NRG1: variants seen among roughly 807,000 people sequenced by gnomAD.
NRG1 encodes neuregulin 1.
NRG1 carries 18 observed loss-of-function variants against 63.8 expected under a neutral mutation model. The ratio of observed to expected loss-of-function variants is 0.28; its 90% CI spans 0.19 to 0.42. NRG1 has a LOEUF of 0.42. Ranked by LOEUF, NRG1 falls within the 10% of genes least tolerant of loss-of-function variation. NRG1 has a pLI of 1.00. For missense variants in NRG1, 762 were observed against 814.7 expected, an observed-to-expected ratio of 0.94 and a Z score of 0.79; for synonymous variants, 302 against 301.3, an observed-to-expected ratio of 1.00 and a Z score of -0.02.
intron 1 of NRG1, among the ~76,000 whole-genome samples, chr8:32,530,301 G>T (rs916856894): frequency 4.6e-5 from 7 of 152,114 alleles, no homozygotes; most frequent in South Asian, 2.1e-4. Context: ...TAGAGACGGG[G>T]TTTCACCGTG....
chr8:32,110,368 A>G (rs78017355), intron 1 of NRG1, among the ~76,000 whole-genome samples: 3,621 of 152,280 alleles, frequency 0.024, 82 homozygotes, highest in South Asian at 0.059. Flanking sequence ...TGGAAGGAGA[A>G]CTGAGAAACC....
chr8:31,716,815 A>G (rs1812393069), intron 1 of NRG1, among the ~76,000 whole-genome samples: 2 of 152,246 alleles, frequency 1.3e-5, no homozygotes, highest in Non-Finnish European at 2.9e-5. Flanking sequence ...TAACGCTATC[A>G]GAGATAAAGA....
At chr8:32,619,792 A>T (rs879554149) in intron 5 of NRG1, among the ~76,000 whole-genome samples, 4 of 152,092 alleles carry the variant, frequency 2.6e-5, no homozygotes, top group Non-Finnish European at 5.9e-5. Context: ...TTGTTTTTTT[A>T]TAATTACAAT....
At chr8:31,871,182 G>A (rs930481467) in intron 1 of NRG1, among the ~76,000 whole-genome samples, 14 of 152,026 alleles carry the variant, frequency 9.2e-5, no homozygotes. Context: ...TCACCCTGAT[G>A]GCCAGGATGG....
rs144109065 is a variant in NRG1 at position 31,876,732 on chromosome 8, C to T, written c.37+237301C>T. On this transcript the variant is annotated intron_variant, in intron 1 of 10. Coordinates refer to the NRG1 transcript ENST00000519301. ...ATTTGACATTATCTACCCAATAATT[C>T]ACTTCTCTCTGCATTCTCTCACTCT... Among the ~76,000 whole-genome samples, 624 of 152,260 alleles carry T rather than the reference C, an allele frequency of 4.1e-3. 4 individuals carry two copies. Among genetic ancestry groups the T allele is most frequent in the Middle Eastern group, 0.041 (12 of 294 alleles).
At chr8:31,840,072 A>G (rs1170770491) in intron 1 of NRG1, among the ~76,000 whole-genome samples, 1 of 152,214 alleles carries the variant, frequency 6.6e-6, no homozygotes, top group Non-Finnish European at 1.5e-5. Flanking sequence ...AAATGAGCAC[A>G]TACTGTGTTC....
chr8:31,831,621 A>T (rs773405871), intron 1 of NRG1, among the ~76,000 whole-genome samples: 6 of 152,212 alleles, frequency 3.9e-5, no homozygotes, highest in Non-Finnish European at 2.9e-5. Flanking sequence ...AACTAGTGAC[A>T]GGGTCAATTT....
intron 1 of NRG1, among the ~76,000 whole-genome samples, chr8:32,390,750 C>A (rs1217604519): frequency 6.6e-6 from 1 of 152,138 alleles, no homozygotes. Flanking sequence ...GGCTGTTTAT[C>A]TGTCCAATGC....
chr8:32,002,029 ATT>A (rs962646810), intron 1 of NRG1, among the ~76,000 whole-genome samples: 2 of 151,108 alleles, frequency 1.3e-5, no homozygotes, highest in Admixed American at 6.6e-5. Flanking sequence ...AATTAATTGA[ATT>A]TTTTTTTCTT....
intron 1 of NRG1, among the ~76,000 whole-genome samples, chr8:32,123,365 T>A (rs1385098870): frequency 6.6e-6 from 1 of 151,428 alleles, no homozygotes; most frequent in Non-Finnish European, 1.5e-5. Flanking sequence ...TAAAGGGGAG[T>A]TCCCCTACAC....
At chr8:32,432,161 C>T (rs1266476882) in intron 1 of NRG1, among the ~76,000 whole-genome samples, 1 of 152,102 alleles carries the variant, frequency 6.6e-6, no homozygotes, top group Non-Finnish European at 1.5e-5. Context: ...ATTAATACAC[C>T]TGGTATAACT....
chr8:32,120,914 G>T (rs1007350130), intron 1 of NRG1, among the ~76,000 whole-genome samples: 2 of 151,964 alleles, frequency 1.3e-5, no homozygotes, highest in Non-Finnish European at 2.9e-5. Context: ...TATAAACTCT[G>T]CAAGAGGGGA....
intron 1 of NRG1, among the ~76,000 whole-genome samples, chr8:32,127,090 T>C (rs1834171528): frequency 6.6e-6 from 1 of 152,052 alleles, no homozygotes; most frequent in East Asian, 1.9e-4. Flanking sequence ...TGTATGTATG[T>C]AGTTTCCTAT....
At chr8:32,685,102 C>T (rs1035916964) in intron 5 of NRG1, among the ~76,000 whole-genome samples, 4 of 152,114 alleles carry the variant, frequency 2.6e-5, no homozygotes, top group Non-Finnish European at 4.4e-5. Context: ...ATATTTTCAT[C>T]AGCGCAGGAA....
chr8:32,345,481 T>C (rs553516076), intron 1 of NRG1, among the ~76,000 whole-genome samples: 72 of 152,252 alleles, frequency 4.7e-4, no homozygotes, highest in Admixed American at 1.3e-3. Flanking sequence ...GCAGAGCAAT[T>C]AGACAGTTTG....
chr8:32,584,238 CA>C (rs1443941713), intron 1 of NRG1, among the ~76,000 whole-genome samples: 5 of 152,260 alleles, frequency 3.3e-5, no homozygotes, highest in Admixed American at 6.5e-5. Context: ...TTACTGTCAA[CA>C]ATCTGTTTAA....
chr8:31,699,736 A>G (rs1354203965), intron 1 of NRG1, among the ~76,000 whole-genome samples: 11 of 151,966 alleles, frequency 7.2e-5, no homozygotes, highest in Admixed American at 7.2e-4. Context: ...TCACCTTTTA[A>G]TTGTCAGTTC....
chr8:32,670,426 GC>G (rs1368414800), intron 5 of NRG1, among the ~76,000 whole-genome samples: 1 of 151,952 alleles, frequency 6.6e-6, no homozygotes, highest in East Asian at 1.9e-4. Context: ...TCTTCCTTCT[GC>G]ACAGGCTCCA....
At chr8:32,221,475 AAAAT>A (rs779995803) in intron 1 of NRG1, among the ~76,000 whole-genome samples, 6 of 152,174 alleles carry the variant, frequency 3.9e-5, no homozygotes, top group African/African-American at 1.2e-4. Flanking sequence ...AATCTTAGCA[AAAAT>A]AAATAAATAA....
Sources: allele counts gnomAD v4.1 joint callset (sites outside exome capture counted in the v4.1 genomes callset), GRCh38; gene constraint gnomAD v4.1.1; transcripts MANE v1.5; gene names NCBI Gene and HGNC (gene_info 2026-07-23, HGNC 2026-07-21).